The following CDC42BPG variants were observed in gnomAD, a reference collection of about 807,000 sequenced individuals.
The protein encoded by CDC42BPG is serine/threonine-protein kinase MRCK gamma.
In CDC42BPG, 157 loss-of-function variants were observed where a neutral mutation model predicts 192.2. The observed-to-expected ratio is 0.82, with a 90% CI of 0.72 to 0.93. The LOEUF (loss-of-function observed/expected upper bound fraction) is 0.93, where lower values mean the gene tolerates loss of function less well. CDC42BPG is among the 40% of genes least tolerant of loss of function. The probability of loss-of-function intolerance (pLI) is 0.00; values close to 1 mark genes in which losing one functional copy is unlikely to be tolerated. For missense variants in CDC42BPG, 1,992 were observed against 2,122.1 expected (o/e 0.94, Z 1.20); for synonymous variants, 981 against 918.5 (o/e 1.07, Z -1.23).
Position 64,829,744 on chromosome 11 carries a change from C to T in CDC42BPG, c.3694G>A (p.Gly1232Arg). 6.2e-7 allele frequency: 1 copy of T among 1,607,714 alleles called. No individual in the cohort carries two copies. The highest frequency in any genetic ancestry group is 8.5e-7 in the Non-Finnish European group (1 of 1,177,946). ...ACACATAGCCGGTCGCCCAGCAGCC[C>T]CAGGCTCTGCACAGTGGCAGGTGCC... ...LQAPATVQSL[G>R]LLGDRLCVGA... Residue 1232 changes from glycine (G) to arginine (R), a missense_variant, in exon 30 of 37, where the codon GGG (glycine) becomes AGG (arginine). By Grantham distance (125) the Gly-to-Arg change is moderately radical. Coordinates refer to ENST00000342711, the MANE Select transcript of CDC42BPG (RefSeq NM_017525.3).
chr11:64,832,615 G>A lies in CDC42BPG; in HGVS notation c.2994C>T (p.Val998=), dbSNP rs778235521. ...TGCCCGGCACCTACCTCAGATCTAG[G>A]ACCTGCAGGAGGGCCCCACTGGGCG... ...LSPPSGALLQ[V]LDLRDPQFSA... Residue 998 remains valine, a synonymous_variant, in exon 26 of 37, where the codon GTC becomes GTT. Coordinates refer to ENST00000342711, the MANE Select transcript of CDC42BPG (RefSeq NM_017525.3). 42 of 1,613,938 alleles carry A rather than the reference G, an allele frequency of 2.6e-5. No homozygotes were observed. In the South Asian group the frequency reaches 4.5e-4, roughly 17 times the overall value.
intron 31 of CDC42BPG, 27 bp from the exon 32 acceptor site, chr11:64,827,638 C>G: frequency 2.2e-5 from 36 of 1,606,408 alleles, no homozygotes; most frequent in Non-Finnish European, 3.0e-5. Context: ...AGCGGTCAGG[C>G]CACGCCTCCA....
rs575199665 is a variant in CDC42BPG at position 64,830,165 on chromosome 11, G to A, written c.3367+29C>T. On this transcript the variant is annotated intron_variant, in intron 29 of 36. Transcript: ENST00000342711. Reference sequence around the variant, plus strand: ...GCCCGCTGGGGCTGCCCCTGCCCACGCCCACCCTAGCCCAGCTTTGATAGG... The same window carrying A: ...GCCCGCTGGGGCTGCCCCTGCCCACACCCACCCTAGCCCAGCTTTGATAGG... 7.4e-6 allele frequency: 12 copies of A among 1,613,060 alleles called. No individual in the cohort carries two copies. In the African/African-American group the frequency reaches 8.0e-5, roughly 11 times the overall value.
Position 64,836,191 on chromosome 11 carries a change from T to A in CDC42BPG, c.1594A>T (p.Arg532Ter). 1 of 1,597,162 alleles carries A rather than the reference T, an allele frequency of 6.3e-7. No homozygotes were observed. Among genetic ancestry groups the A allele is most frequent in the Non-Finnish European group, 8.5e-7 (1 of 1,173,710 alleles). The change falls in exon 13 of 37, where the codon AGA becomes TGA. Residue 532 changes from arginine to a stop codon, truncating the protein, a stop_gained. Transcript: ENST00000342711. LOFTEE classifies it high-confidence loss of function. ...GTCTGGCTAGCTGTGGCCGCCTCTC[T>A]CTCCTGGGCCTCCTGTAGCCTCTGA... is the stretch of plus-strand genomic sequence containing the variant. ...LLQRLQEAQEREAATASQTRA... is the reference protein window; with the variant it reads ...LLQRLQEAQE
In CDC42BPG at chr11:64,826,681, G is replaced by A; in HGVS notation, c.4503C>T (p.Asp1501=). 6 of 1,564,526 alleles carry A rather than the reference G, an allele frequency of 3.8e-6. No individual in the cohort carries two copies. The highest frequency in any genetic ancestry group is 5.2e-6 in the Non-Finnish European group (6 of 1,155,488). The change falls in exon 35 of 37, where the codon GAC becomes GAT. Residue 1501 remains aspartate, a synonymous_variant. Transcript: ENST00000342711. The part of the protein sequence containing the change: ...ASMGSEGLGG[D]ADPMKRKPWT... Reference sequence around the variant, plus strand: ...AGGGGCTGCCCTTACTGGGGTCTGCGTCTCCACCGAGGCCTTCGCTGCCCA... The same window carrying A: ...AGGGGCTGCCCTTACTGGGGTCTGCATCTCCACCGAGGCCTTCGCTGCCCA...
intron 11 of CDC42BPG, 26 bp downstream of exon 11, chr11:64,836,713 G>GGGGC (rs1565690044): frequency 2.3e-6 from 2 of 856,512 alleles, no homozygotes; most frequent in East Asian, 3.0e-5. Context: ...CCCTGGGGGG[G>GGGGC]GGGGGGGGGT....
rs901184362 is a variant in CDC42BPG, at chr11:64,823,172, C to T, written c.*1301G>A. On this transcript the variant is annotated 3_prime_UTR_variant, in exon 37 of 37. Coordinates refer to ENST00000342711, the MANE Select transcript of CDC42BPG (RefSeq NM_017525.3). Reference sequence around the variant, plus strand: ...CGCGATCTCGGCTCACTGCAAGCTCCGCCTCCCGGGTTCACGCCATTCTCC... The same window carrying T: ...CGCGATCTCGGCTCACTGCAAGCTCTGCCTCCCGGGTTCACGCCATTCTCC... 4.0e-5 allele frequency among the ~76,000 whole-genome samples: 6 copies of T among 151,660 alleles called. No homozygotes were observed. Among genetic ancestry groups the T allele is most frequent in the Middle Eastern group, 3.4e-3 (1 of 294 alleles).
At chr11:64,839,395 G>T in intron 6 of CDC42BPG, 83 bp downstream of exon 6, 1 of 1,515,052 alleles carries the variant, frequency 6.6e-7, no homozygotes. Context: ...TGATGCCTCT[G>T]CACTAGGCCT....
chr11:64,841,803 C>T lies in CDC42BPG; in HGVS notation c.252+10G>A, dbSNP rs1479370004. ...CACCTCCCCCCACCTACCCCAGGCC[C>T]TTTGCTCACCTCCCCAAAGGCTCCT... On this transcript the variant is annotated intron_variant, in intron 2 of 36. Transcript: ENST00000342711. The T allele has an allele frequency of 6.2e-7, 1 of 1,613,786 alleles. No individual in the cohort carries two copies. The highest frequency in any genetic ancestry group is 8.5e-7 in the Non-Finnish European group (1 of 1,179,886).
At chr11:64,824,674 AGAGGTGGTAAATGG>A (rs2136232804) in intron 36 of CDC42BPG, 145 bp from the exon 37 acceptor site, 1 of 608,938 alleles carries the variant, frequency 1.6e-6, no homozygotes, top group African/African-American at 1.9e-5. Flanking sequence ...GGTGAGGAGT[AGAGGTGGTAAATGG>A]GTCACTGGAA....
intron 36 of CDC42BPG, among the ~76,000 whole-genome samples, chr11:64,825,949 C>A (rs1164128441): frequency 6.6e-6 from 1 of 151,542 alleles, no homozygotes; most frequent in Non-Finnish European, 1.5e-5. Context: ...GCCTGTAATA[C>A]CAGCGACTTG....
At chr11:64,831,359 G>A in intron 28 of CDC42BPG, 146 bp downstream of exon 28, 1 of 691,324 alleles carries the variant, frequency 1.4e-6, no homozygotes. Context: ...ATGCACACAG[G>A]AGGCTGGAGC....
Position 64,835,061 on chromosome 11 carries a change from G to A in CDC42BPG, c.2046C>T (p.Ala682=), listed in dbSNP as rs762836934. Residue 682 remains alanine, a synonymous_variant, in exon 17 of 37, where the codon GCC becomes GCT. Coordinates refer to ENST00000342711, the MANE Select transcript of CDC42BPG (RefSeq NM_017525.3). ...ETESNWEAQL[A]DILSWVNDEK... ...CTGGCACCCACCAGCTGAGGATGTC[G>A]GCGAGCTGGGCCTCCCAGTTGCTCT... 2.7e-5 allele frequency: 43 copies of A among 1,600,512 alleles called. No homozygotes were observed. Among genetic ancestry groups the A allele is most frequent in the South Asian group, 3.3e-5 (3 of 90,954 alleles).
At chr11:64,831,050 TC>T (rs1464195862) in intron 28 of CDC42BPG, among the ~76,000 whole-genome samples, 2 of 152,076 alleles carry the variant, frequency 1.3e-5, no homozygotes, top group Non-Finnish European at 2.9e-5. Context: ...AAACCCCGTC[TC>T]TACTAAAAAT....
chr11:64,824,354 G>C lies in CDC42BPG; in HGVS notation c.*119C>G, dbSNP rs181808867. ...AAGTCTCCCAGTCATTGCCCAGCCC[G>C]GGTCCTCCCTGAGTCCGAATTTCCA... On this transcript the variant is annotated 3_prime_UTR_variant, in exon 37 of 37. Transcript: ENST00000342711. 9.8e-6 allele frequency: 8 copies of C among 813,204 alleles called. No individual in the cohort carries two copies. Among genetic ancestry groups the C allele is most frequent in the Admixed American group, 1.7e-5 (1 of 57,832 alleles). 50.4% of individuals were successfully genotyped at this position (813,204 alleles called of 1,614,324 possible).
intron 12 of CDC42BPG, 59 bp downstream of exon 12, chr11:64,836,368 G>A: frequency 1.2e-6 from 1 of 817,586 alleles, no homozygotes; most frequent in Non-Finnish European, 1.9e-6. Context: ...TGGAGCCCAG[G>A]GCCACTCACC....
rs536338367 is a variant in CDC42BPG at position 64,838,241 on chromosome 11, A to G, written c.1126-79T>C. ...CAAGGCCCAGGAGCCCCCTGGGACC[A>G]GGTGCGACCACCTCCTGCACAGGTG... On this transcript the variant is annotated intron_variant, in intron 8 of 36. Transcript: ENST00000342711. The G allele has an allele frequency of 4.5e-5, 50 of 1,118,468 alleles. No homozygotes were observed. In the South Asian group the frequency reaches 7.0e-4, roughly 16 times the overall value. 69.3% of individuals were successfully genotyped at this position (1,118,468 alleles called of 1,614,324 possible). A position where few individuals can be genotyped will look rare whatever the true frequency, so the allele number is the denominator to read the frequency against.
At chr11:64,829,168 C>G (rs115213798) in intron 30 of CDC42BPG, among the ~76,000 whole-genome samples, 1 of 152,058 alleles carries the variant, frequency 6.6e-6, no homozygotes. Flanking sequence ...GGCAGTGAGT[C>G]GAGATTGTGC....
At position 64,836,719 on chromosome 11, in the gene CDC42BPG, G is replaced by GT; in HGVS notation, c.1384+19_1384+20insA. On this transcript the variant is annotated intron_variant, in intron 11 of 36. Coordinates refer to ENST00000342711, the MANE Select transcript of CDC42BPG (RefSeq NM_017525.3). ...GGGACTCAGCCCTGGGGGGGGGGGGGGGGTGGGCGGAAGGGATACCTGGCA... is the reference window on the plus strand; with the variant it reads ...GGGACTCAGCCCTGGGGGGGGGGGGGTGGGTGGGCGGAAGGGATACCTGGCA... The GT allele has an allele frequency of 3.0e-5, 25 of 842,240 alleles. No homozygotes were observed. Among genetic ancestry groups the GT allele is most frequent in the South Asian group, 1.2e-4 (7 of 57,646 alleles). The allele number at this position is 842,240 out of a possible 1,614,324, so 52.2% of individuals were successfully genotyped here. A position where few individuals can be genotyped will look rare whatever the true frequency, so the allele number is the denominator to read the frequency against.
Sources: allele counts gnomAD v4.1 joint callset (sites outside exome capture counted in the v4.1 genomes callset), GRCh38; gene constraint gnomAD v4.1.1; transcripts MANE v1.5; gene names NCBI Gene and HGNC (gene_info 2026-07-23, HGNC 2026-07-21).